The following DAGLB variants were observed in gnomAD, a reference collection of about 807,000 sequenced individuals.
DAGLB encodes diacylglycerol lipase beta, also known as diacylglycerol lipase-beta.
Under a neutral mutation model 72.1 loss-of-function variants are expected in DAGLB, and 66 were observed. The ratio of observed to expected loss-of-function variants is 0.92; its 90% confidence interval spans 0.75 to 1.12. DAGLB has a LOEUF of 1.12. Ranked by LOEUF, DAGLB falls within the 50% of genes most tolerant of loss-of-function variation. The probability of loss-of-function intolerance (pLI) is 0.00; values close to 1 mark genes in which losing one functional copy is unlikely to be tolerated. For synonymous variants in DAGLB, 414 were observed against 359.5 expected (o/e 1.15, Z -1.71); for missense variants, 1,065 against 884.9 (o/e 1.20, Z -2.58).
intron 3 of DAGLB, 56 bp from the exon 4 acceptor site, chr7:6,435,076 G>C: frequency 6.3e-7 from 1 of 1,590,024 alleles, no homozygotes; most frequent in Non-Finnish European, 8.6e-7. Flanking sequence ...CCCAGACGCA[G>C]ATGTCCGGGG....
intron 11 of DAGLB, among the ~76,000 whole-genome samples, chr7:6,413,634 G>GA (rs796974610): frequency 0.037 from 3,534 of 95,044 alleles, 121 homozygotes; most frequent in African/African-American, 0.11. Context: ...CATCTCAAAA[G>GA]AAAAAAAAAA....
chr7:6,436,592 T>G (rs1031234163), intron 2 of DAGLB, 59 bp from the exon 3 acceptor site: 1 of 1,605,450 alleles, frequency 6.2e-7, no homozygotes, highest in African/African-American at 1.3e-5. Context: ...AAGAGCTTCC[T>G]TTTTGCAAAA....
intron 2 of DAGLB, among the ~76,000 whole-genome samples, chr7:6,440,492 T>A (rs10225406): frequency 1.3e-5 from 2 of 152,198 alleles, no homozygotes; most frequent in African/African-American, 4.8e-5. Flanking sequence ...CCTCCACATC[T>A]TGTGATGTTC....
At position 6,409,502 on chromosome 7, in the gene DAGLB, C is replaced by G; in HGVS notation, c.*335G>C. 2.8e-6 allele frequency: 1 copy of G among 352,186 alleles called. No individual in the cohort carries two copies. Among genetic ancestry groups the G allele is most frequent in the Admixed American group, 4.5e-5 (1 of 22,326 alleles). The allele number at this position is 352,186 out of a possible 1,614,324, so 21.8% of individuals were successfully genotyped here. A position where few individuals can be genotyped will look rare whatever the true frequency, so the allele number is the denominator to read the frequency against. On this transcript the variant is annotated 3_prime_UTR_variant, in exon 15 of 15. Coordinates refer to ENST00000297056, the MANE Select transcript of DAGLB (RefSeq NM_139179.4). ...GGGAGGCTAAGGAACTGTTCACGGT[C>G]TTCTGGGTGGGCCCTGGATTCCCGC...
At chr7:6,434,698 C>T (rs925577897) in intron 4 of DAGLB, 64 bp downstream of exon 4, 51 of 1,600,770 alleles carry the variant, frequency 3.2e-5, no homozygotes, top group South Asian at 8.9e-5. Flanking sequence ...ACAGAGGGAC[C>T]GGCTCCATCA....
intron 2 of DAGLB, among the ~76,000 whole-genome samples, chr7:6,440,325 G>C (rs929428370): frequency 1.3e-5 from 2 of 151,400 alleles, no homozygotes; most frequent in Non-Finnish European, 2.9e-5. Context: ...CGGAGGTTGC[G>C]GTGAGCCGAG....
At chr7:6,447,250 G>A (rs963187360) in intron 1 of DAGLB, among the ~76,000 whole-genome samples, 1 of 152,180 alleles carries the variant, frequency 6.6e-6, no homozygotes, top group African/African-American at 2.4e-5. Context: ...AGACAACAGC[G>A]TTGTATGTTG....
At chr7:6,413,899 G>T (rs1432434253) in intron 11 of DAGLB, among the ~76,000 whole-genome samples, 1 of 152,242 alleles carries the variant, frequency 6.6e-6, no homozygotes, top group African/African-American at 2.4e-5. Flanking sequence ...GCAGGGAAAA[G>T]GTGCAGGCTT....
intron 11 of DAGLB, among the ~76,000 whole-genome samples, chr7:6,415,590 C>T (rs555113471): frequency 3.8e-5 from 5 of 132,052 alleles, no homozygotes; most frequent in Admixed American, 1.5e-4. Context: ...TGTAATCCCA[C>T]CATTTTGGGA....
intron 6 of DAGLB, among the ~76,000 whole-genome samples, chr7:6,429,760 TGTGGCCGGGC>T (rs1336163979): frequency 6.6e-6 from 1 of 151,546 alleles, no homozygotes; most frequent in Non-Finnish European, 1.5e-5. Context: ...ATTAGCCGGG[TGTGGCCGGGC>T]GTGGTGGCTC....
intron 1 of DAGLB, 97 bp downstream of exon 1, chr7:6,447,651 G>C (rs1409088485): frequency 2.0e-6 from 3 of 1,476,298 alleles, no homozygotes; most frequent in Non-Finnish European, 2.7e-6. Context: ...GACCGCGACA[G>C]TGCTTGGGAA....
chr7:6,437,753 A>T (rs1784710016), intron 2 of DAGLB, among the ~76,000 whole-genome samples: 1 of 152,084 alleles, frequency 6.6e-6, no homozygotes, highest in South Asian at 2.1e-4. Context: ...GGTTCAAGTG[A>T]TTCTCCTGCC....
At chr7:6,432,807 G>T (rs752085440) in intron 5 of DAGLB, 30 bp downstream of exon 5, 3 of 1,609,400 alleles carry the variant, frequency 1.9e-6, no homozygotes, top group East Asian at 2.2e-5. Flanking sequence ...GTAAGTGTCA[G>T]AACTGGACAC....
intron 9 of DAGLB, chr7:6,417,179 G>C (rs1783946215): frequency 4.8e-6 from 2 of 417,222 alleles, no homozygotes; most frequent in Non-Finnish European, 8.8e-6. Context: ...GAGGACACTT[G>C]AGCCCAGGAG....
chr7:6,436,452 ACCATCTCTGGAAAAAACAGCG>A lies in DAGLB; in HGVS notation c.308_328del (p.Ala103_Met109del), dbSNP rs1562487648. 11 of 1,614,024 alleles carry A rather than the reference ACCATCTCTGGAAAAAACAGCG, an allele frequency of 6.8e-6. No homozygotes were observed. The highest frequency in any genetic ancestry group is 9.3e-6 in the Non-Finnish European group (11 of 1,180,024). ...CCAGGCAGCCCCCAGAGAGGCCCAG[ACCATCTCTGGAAAAAACAGCG>A]CCAGGCGGATGTAAAGCAGCTTAGA... is the stretch of plus-strand genomic sequence containing the variant. On this transcript the variant is annotated inframe_deletion, in exon 3 of 15. Coordinates refer to ENST00000297056, the MANE Select transcript of DAGLB (RefSeq NM_139179.4).
At chr7:6,441,421 CTTT>C (rs777739932) in intron 2 of DAGLB, among the ~76,000 whole-genome samples, 4 of 106,272 alleles carry the variant, frequency 3.8e-5, no homozygotes, top group Admixed American at 2.0e-4. Context: ...ACATTTTTTT[CTTT>C]TTTTTTTTTT....
At chr7:6,443,718 A>G (rs995621375) in intron 2 of DAGLB, among the ~76,000 whole-genome samples, 7 of 152,070 alleles carry the variant, frequency 4.6e-5, no homozygotes, top group East Asian at 1.9e-4. Flanking sequence ...CCACCAGCAT[A>G]TATCTGATAT....
At chr7:6,438,907 T>G (rs2115290251) in intron 2 of DAGLB, among the ~76,000 whole-genome samples, 1 of 152,156 alleles carries the variant, frequency 6.6e-6, no homozygotes, top group Middle Eastern at 3.4e-3. Flanking sequence ...AAATCTCCTT[T>G]ACACGGTTTT....
At chr7:6,439,601 G>A (rs1784764650) in intron 2 of DAGLB, among the ~76,000 whole-genome samples, 1 of 152,270 alleles carries the variant, frequency 6.6e-6, no homozygotes, top group African/African-American at 2.4e-5. Flanking sequence ...ATACAAGGAG[G>A]CATCCCACAA....
Sources: gnomAD v4.1 joint callset for allele counts (sites outside exome capture counted in the v4.1 genomes callset) on GRCh38, gnomAD v4.1.1 for gene constraint, MANE v1.5 for transcripts, NCBI Gene and HGNC (gene_info 2026-07-23, HGNC 2026-07-21) for gene names.